JMJD1C: variants seen among roughly 807,000 people sequenced by gnomAD.
The protein encoded by JMJD1C is jumonji domain-containing protein 1C.
A neutral mutation model predicts 245.3 loss-of-function variants in JMJD1C; 31 were observed. The observed-to-expected ratio is 0.13, with a 90% confidence interval of 0.09 to 0.17. The LOEUF is 0.17. JMJD1C is among the 10% of genes least tolerant of loss of function. The pLI, the probability that JMJD1C is intolerant of heterozygous loss-of-function variation, is 1.00. For missense variants in JMJD1C, 2,691 were observed against 3,000.2 expected, an observed-to-expected ratio of 0.90 and a Z score of 2.41; for synonymous variants, 1,057 against 1,017.4, an observed-to-expected ratio of 1.04 and a Z score of -0.74.
chr10:63,388,416 T>C (rs1297371608), intron 1 of JMJD1C, among the ~76,000 whole-genome samples: 1 of 149,714 alleles, frequency 6.7e-6, no homozygotes, highest in African/African-American at 2.4e-5. Context: ...GGAAATAAAG[T>C]CTTTCCTAAA....
intron 1 of JMJD1C, among the ~76,000 whole-genome samples, chr10:63,398,482 T>C (rs1032056110): frequency 6.6e-5 from 10 of 152,144 alleles, no homozygotes; most frequent in African/African-American, 2.4e-4. Flanking sequence ...GACTACCTCA[T>C]ACATAATACG....
chr10:63,470,311 C>T (rs1239685257), upstream of JMJD1C, among the ~76,000 whole-genome samples: 1 of 152,134 alleles, frequency 6.6e-6, no homozygotes, highest in African/African-American at 2.4e-5. Context: ...GTACCTTTTT[C>T]TAAATCTAAC....
chr10:63,505,673 T>TG (rs892028507), intron 1 of JMJD1C, among the ~76,000 whole-genome samples: 2 of 152,056 alleles, frequency 1.3e-5, no homozygotes, highest in Non-Finnish European at 2.9e-5. Context: ...TGAGAATGTT[T>TG]GTTCAAGAAG....
At chr10:63,450,692 G>T (rs76175015) in intron 1 of JMJD1C, among the ~76,000 whole-genome samples, 1 of 152,266 alleles carries the variant, frequency 6.6e-6, no homozygotes, top group Non-Finnish European at 1.5e-5. Context: ...GGCCAGGTAT[G>T]AACATTCCAC....
intron 2 of JMJD1C, among the ~76,000 whole-genome samples, chr10:63,318,719 T>C (rs1019594949): frequency 8.2e-4 from 125 of 152,298 alleles, no homozygotes; most frequent in Non-Finnish European, 5.9e-5. Flanking sequence ...TGAGAAGTAC[T>C]GACCTAGACT....
In JMJD1C at chr10:63,233,757, G is replaced by GCA. The variant is rs10565803; in HGVS notation, c.448-13776_448-13775dup. 5.5e-3 allele frequency among the ~76,000 whole-genome samples: 808 copies of GCA among 148,200 alleles called. 2 individuals carry two copies. Among genetic ancestry groups the GCA allele is most frequent in the East Asian group, 0.011 (54 of 5,068 alleles). ...TATATATATATCCACACACGCGCGT[G>GCA]CACACACACACACACACACACACAC... On this transcript the variant is annotated intron_variant, in intron 3 of 25. Coordinates refer to ENST00000399262, the MANE Select transcript of JMJD1C (RefSeq NM_032776.3).
At chr10:63,232,260 G>A (rs1185841327) in intron 3 of JMJD1C, among the ~76,000 whole-genome samples, 1 of 151,586 alleles carries the variant, frequency 6.6e-6, no homozygotes, top group Non-Finnish European at 1.5e-5. Context: ...TCTGGAACAC[G>A]TTCATCTTTT....
Position 63,511,726 on chromosome 10 carries a change from A to AT in JMJD1C, n.113+10011_113+10012insA, listed in dbSNP as rs1284817117. Among the ~76,000 whole-genome samples the AT allele has an allele frequency of 3.9e-4, 60 of 152,076 alleles. 1 individual carries two copies. Among genetic ancestry groups the AT allele is most frequent in the Admixed American group, 1.6e-3 (24 of 15,270 alleles). ...AGCAAGACTCCATCTCAAAAAAAAA[A>AT]AAATATATACAGTATTTGTGGGATG... On this transcript the variant is annotated intron_variant and non_coding_transcript_variant, in intron 1 of 3. Coordinates refer to the JMJD1C transcript ENST00000633035.
chr10:63,406,780 T>G (rs1180364489), intron 1 of JMJD1C, among the ~76,000 whole-genome samples: 1 of 151,974 alleles, frequency 6.6e-6, no homozygotes, highest in Non-Finnish European at 1.5e-5. Context: ...AGAACTAAAG[T>G]AAAATTGATA....
At chr10:63,352,907 A>G (rs972047422) in intron 2 of JMJD1C, among the ~76,000 whole-genome samples, 10 of 152,228 alleles carry the variant, frequency 6.6e-5, no homozygotes, top group Admixed American at 4.6e-4. Flanking sequence ...GGAATTTGGT[A>G]AAAGTAGGCT....
chr10:63,376,576 C>CAA (rs1446482434), intron 2 of JMJD1C, among the ~76,000 whole-genome samples: 6 of 150,830 alleles, frequency 4.0e-5, no homozygotes, highest in African/African-American at 1.5e-4. Context: ...AACTTAACAC[C>CAA]AAAAAAAACA....
chr10:63,505,499 T>C lies in JMJD1C; in HGVS notation n.113+16239A>G, dbSNP rs192454497. On this transcript the variant is annotated intron_variant and non_coding_transcript_variant, in intron 1 of 3. Coordinates refer to the JMJD1C transcript ENST00000633035. ...TTTTCAGGGTTTCAGCTGAATGGGA[T>C]TGGAAGCTTCATAGCAGAGCAGAAG... Among the ~76,000 whole-genome samples, 6 of 152,176 alleles carry C rather than the reference T, an allele frequency of 3.9e-5. No homozygotes were observed. In the East Asian group the frequency reaches 7.7e-4, roughly 20 times the overall value.
chr10:63,434,364 G>A (rs1950944494), intron 1 of JMJD1C, among the ~76,000 whole-genome samples: 1 of 152,126 alleles, frequency 6.6e-6, no homozygotes, highest in Non-Finnish European at 1.5e-5. Flanking sequence ...TAAGCTTTCT[G>A]ATCACACCAG....
chr10:63,278,682 A>C (rs540023653), intron 2 of JMJD1C, among the ~76,000 whole-genome samples: 2 of 151,444 alleles, frequency 1.3e-5, no homozygotes, highest in Non-Finnish European at 2.9e-5. Context: ...TCTACTAAAA[A>C]TACAAAATTA....
intron 2 of JMJD1C, among the ~76,000 whole-genome samples, chr10:63,323,252 G>C (rs1364375875): frequency 6.6e-6 from 1 of 152,178 alleles, no homozygotes; most frequent in Non-Finnish European, 1.5e-5. Context: ...GCCGGGTACA[G>C]TGGCTCACAC....
At chr10:63,469,136 G>A (rs1377157272), upstream of JMJD1C, among the ~76,000 whole-genome samples, 1 of 152,222 alleles carries the variant, frequency 6.6e-6, no homozygotes. Context: ...ACTGTGGAAA[G>A]TGTCAATCAT....
rs1479559178 is a variant in JMJD1C at position 63,206,653 on chromosome 10, T to G, written c.5016A>C (p.Gly1672=). ...TTTCTTTGGCACTCCTGCTGAGAAC[T>G]CCATTGGGTTTCAAATCTTCTTCTA... is the stretch of plus-strand genomic sequence containing the variant. ...GEIEEDLKPN[G]VLSRSAKERS... is the part of the protein sequence containing the mutation. The change falls in exon 10 of 26, where the codon GGA becomes GGC. Residue 1672 remains glycine, a synonymous_variant. Transcript: ENST00000399262. The G allele has an allele frequency of 1.2e-6, 2 of 1,610,904 alleles. No individual in the cohort carries two copies. Among genetic ancestry groups the G allele is most frequent in the East Asian group, 4.5e-5 (2 of 44,840 alleles).
At chr10:63,458,863 A>C (rs1175032701) in intron 1 of JMJD1C, among the ~76,000 whole-genome samples, 1 of 152,070 alleles carries the variant, frequency 6.6e-6, no homozygotes, top group Admixed American at 6.6e-5. Context: ...AGCTGGGACC[A>C]CAGGCACACA....
chr10:63,238,413 A>G (rs1851045986), intron 3 of JMJD1C, among the ~76,000 whole-genome samples: 1 of 152,124 alleles, frequency 6.6e-6, no homozygotes, highest in Non-Finnish European at 1.5e-5. Flanking sequence ...TTAAATGCTT[A>G]TTATAGTTTA....
Sources: allele counts gnomAD v4.1 joint callset (sites outside exome capture counted in the v4.1 genomes callset), GRCh38; gene constraint gnomAD v4.1.1; transcripts MANE v1.5; gene names NCBI Gene and HGNC (gene_info 2026-07-23, HGNC 2026-07-21).